The following MASP2 variants were observed in gnomAD, a reference collection of about 807,000 sequenced individuals.
MASP2 encodes mannan-binding lectin serine protease 2.
A neutral mutation model predicts 57.1 loss-of-function variants in MASP2; 49 were observed. The observed-to-expected ratio is 0.86, with a 90% CI of 0.68 to 1.09. MASP2 has a LOEUF of 1.09. Among genes scored for constraint, MASP2 ranks in the 50% least tolerant of loss-of-function variants. The probability of loss-of-function intolerance (pLI) is 0.00; values close to 1 mark genes in which losing one functional copy is unlikely to be tolerated. For missense variants in MASP2, 900 were observed against 874.8 expected (o/e 1.03, Z -0.36); for synonymous variants, 379 against 340.8 (o/e 1.11, Z -1.24).
chr1:11,032,857 C>T (rs1472645076), intron 8 of MASP2, among the ~76,000 whole-genome samples: 5 of 151,578 alleles, frequency 3.3e-5, no homozygotes, highest in African/African-American at 4.9e-5. Context: ...TGCAGTGAGC[C>T]GAGATGGCGC....
At chr1:11,039,649 G>A (rs1470543746) in intron 6 of MASP2, among the ~76,000 whole-genome samples, 4 of 148,590 alleles carry the variant, frequency 2.7e-5, no homozygotes, top group Non-Finnish European at 4.5e-5. Flanking sequence ...GTGGATGGGT[G>A]GATGGATGAA....
At chr1:11,033,202 C>T (rs1336374662) in intron 8 of MASP2, among the ~76,000 whole-genome samples, 2 of 151,974 alleles carry the variant, frequency 1.3e-5, no homozygotes, top group Non-Finnish European at 2.9e-5. Flanking sequence ...GTAGCACATG[C>T]CTGTAATCCC....
chr1:11,043,972 C>T (rs1638545679), intron 4 of MASP2, among the ~76,000 whole-genome samples: 1 of 152,058 alleles, frequency 6.6e-6, no homozygotes, highest in Non-Finnish European at 1.5e-5. Flanking sequence ...TCTCCTTGGT[C>T]CCTGGGAATT....
At position 11,045,836 on chromosome 1, in the gene MASP2, A is replaced by C. The variant is rs1365199653; in HGVS notation, c.413-297T>G. 10 of 455,854 alleles carry C rather than the reference A, an allele frequency of 2.2e-5. No individual in the cohort carries two copies. The Admixed American group carries it at 3.5e-4, about 16-fold the overall frequency. The allele number at this position is 455,854 out of a possible 1,614,324, so 28.2% of individuals were successfully genotyped here. A position where few individuals can be genotyped will look rare whatever the true frequency, so the allele number is the denominator to read the frequency against. On this transcript the variant is annotated intron_variant, in intron 3 of 10. Transcript: ENST00000400897. ...TCAATCAAACCCAGGGGGCGGGGCT[A>C]CAGCGCTGAACCCTTGCAGCAGCTT...
chr1:11,030,091 A>G (rs1643816978), intron 10 of MASP2, 85 bp downstream of exon 10: 9 of 942,812 alleles, frequency 9.5e-6, no homozygotes, highest in African/African-American at 1.7e-5. Context: ...ATTTCTGCCT[A>G]CCACAGCTAA....
chr1:11,044,946 G>A, intron 4 of MASP2: 1 of 1,609,934 alleles, frequency 6.2e-7, no homozygotes, highest in Non-Finnish European at 8.5e-7. Flanking sequence ...GAGGCTAGAG[G>A]CTCTGCTCTG....
At position 11,026,897 on chromosome 1, in the gene MASP2, A is replaced by G; in HGVS notation, c.2049T>C (p.Ile683=). The change falls in exon 11 of 11, where the codon ATT becomes ATC. Residue 683 remains isoleucine (I), a synonymous_variant. Transcript: ENST00000400897. The part of the protein sequence containing the change: ...INYIPWIENI[I]SDF Reference sequence around the variant, plus strand: ...GCAGACACGCAAGTTAAAAATCACTAATTATGTTCTCGATCCAGGGAATAT... The same window carrying G: ...GCAGACACGCAAGTTAAAAATCACTGATTATGTTCTCGATCCAGGGAATAT... 6.8e-7 allele frequency: 1 copy of G among 1,481,120 alleles called. No individual in the cohort carries two copies. The highest frequency in any genetic ancestry group is 9.0e-7 in the Non-Finnish European group (1 of 1,116,904). The allele number at this position is 1,481,120 out of a possible 1,614,324, so 91.7% of individuals were successfully genotyped here. A position where few individuals can be genotyped will look rare whatever the true frequency, so the allele number is the denominator to read the frequency against.
rs1176706074 is a variant in MASP2, at chr1:11,028,697, GTTTTTTTTCTTT to G, written c.1298-1061_1298-1050del. Among the ~76,000 whole-genome samples, 309 of 36,114 alleles carry G rather than the reference GTTTTTTTTCTTT, an allele frequency of 8.6e-3. 2 individuals carry two copies. The highest frequency in any genetic ancestry group is 0.04 in the African/African-American group (302 of 7,614). 23.7% of individuals were successfully genotyped at this position (36,114 alleles called of 152,430 possible). On this transcript the variant is annotated intron_variant, in intron 10 of 10. Transcript: ENST00000400897. ...AATTAATATATTACTATCTTTCTGG[GTTTTTTTTCTTT>G]TTTTTTTTTTTTTTTTTTTTTTGAG...
intron 8 of MASP2, among the ~76,000 whole-genome samples, chr1:11,034,366 T>C (rs1643873468): frequency 6.7e-6 from 1 of 149,746 alleles, no homozygotes; most frequent in African/African-American, 2.5e-5. Context: ...AAGAAGCAAA[T>C]TTGAAATTCA....
intron 10 of MASP2, among the ~76,000 whole-genome samples, chr1:11,028,029 CTGGCCAACA>C (rs1643769087): frequency 6.6e-6 from 1 of 152,052 alleles, no homozygotes; most frequent in African/African-American, 2.4e-5. Flanking sequence ...TGAGACCAGC[CTGGCCAACA>C]TGGTGAGACC....
chr1:11,045,705 C>G, intron 3 of MASP2, 166 bp from the exon 4 acceptor site: 1 of 674,504 alleles, frequency 1.5e-6, no homozygotes, highest in Non-Finnish European at 2.5e-6. Context: ...GGCCTAGGGT[C>G]GCTGCAAGCT....
rs565420451 is a variant in MASP2, at chr1:11,038,066, GT to G, written c.890-256del. ...CTGGGTTATGTGGGAAGATGGTGCA[GT>G]CCCCACAAATAGAACATCTGCTCCA... On this transcript the variant is annotated intron_variant, in intron 6 of 10. Coordinates refer to ENST00000400897, the MANE Select transcript of MASP2 (RefSeq NM_006610.4). Among the ~76,000 whole-genome samples, 223 of 152,292 alleles carry G rather than the reference GT, an allele frequency of 1.5e-3. 1 individual carries two copies. Among genetic ancestry groups the G allele is most frequent in the African/African-American group, 5.3e-3 (220 of 41,552 alleles).
intron 6 of MASP2, among the ~76,000 whole-genome samples, chr1:11,041,712 T>G (rs1258985919): frequency 1.4e-5 from 2 of 148,088 alleles, no homozygotes; most frequent in African/African-American, 2.5e-5. Context: ...GATGGATGGG[T>G]GAATGGATGG....
chr1:11,045,686 C>T lies in MASP2; in HGVS notation c.413-147G>A, dbSNP rs1638617628. The T allele has an allele frequency of 7.2e-6, 6 of 829,420 alleles. No individual in the cohort carries two copies. The Admixed American group carries it at 1.4e-4, about 20-fold the overall frequency. 51.4% of individuals were successfully genotyped at this position (829,420 alleles called of 1,614,324 possible). On this transcript the variant is annotated intron_variant, in intron 3 of 10. Transcript: ENST00000400897. ...GGTGCGGGACTGGTGCCGGGCCAAT[C>T]ACCTTACAGGCCTAGGGTCGCTGCA...
intron 4 of MASP2, chr1:11,045,076 G>GCAGGGAAC (rs1364122951): frequency 9.6e-6 from 9 of 935,212 alleles, no homozygotes; most frequent in African/African-American, 3.3e-5. Flanking sequence ...GTCCCACAGT[G>GCAGGGAAC]CAGGGAACCA....
intron 10 of MASP2, among the ~76,000 whole-genome samples, chr1:11,028,836 C>T (rs569934989): frequency 1.3e-5 from 2 of 151,248 alleles, no homozygotes; most frequent in East Asian, 3.9e-4. Flanking sequence ...GCCTCAGCCT[C>T]CTGAGTAGCT....
At chr1:11,031,885 C>T (rs1208003550) in intron 8 of MASP2, among the ~76,000 whole-genome samples, 3 of 151,952 alleles carry the variant, frequency 2.0e-5, no homozygotes, top group African/African-American at 4.8e-5. Flanking sequence ...TGCACTACCG[C>T]CTGGGTGATA....
chr1:11,038,779 T>C (rs1248135468), intron 6 of MASP2, among the ~76,000 whole-genome samples: 1 of 152,204 alleles, frequency 6.6e-6, no homozygotes, highest in East Asian at 1.9e-4. Flanking sequence ...CACTTGAGTG[T>C]CTGTCACGAC....
chr1:11,034,956 C>T (rs1286385583), intron 7 of MASP2, 50 bp from the exon 8 acceptor site: 3 of 1,332,714 alleles, frequency 2.3e-6, no homozygotes, highest in African/African-American at 2.9e-5. Context: ...ATCATAAAAT[C>T]ACTCCCCAAA....
Sources: gnomAD v4.1 joint callset for allele counts (sites outside exome capture counted in the v4.1 genomes callset) on GRCh38, gnomAD v4.1.1 for gene constraint, MANE v1.5 for transcripts, NCBI Gene and HGNC (gene_info 2026-07-23, HGNC 2026-07-21) for gene names.